Variants in ERICH1 observed in about 807,000 individuals in gnomAD.
ERICH1 encodes glutamate rich 1, also known as glutamate-rich protein 1.
ERICH1 carries 56 observed loss-of-function variants against 39.6 expected under a neutral mutation model. The ratio of observed to expected loss-of-function variants is 1.41; its 90% CI spans 1.14 to 1.77. ERICH1 has a LOEUF of 1.77. ERICH1 is among the 40% of genes most tolerant of loss of function. The probability of loss-of-function intolerance (pLI) is 0.00; values close to 1 mark genes in which losing one functional copy is unlikely to be tolerated. For synonymous variants in ERICH1, 313 were observed against 223.6 expected (o/e 1.40, Z -3.57); for missense variants, 826 against 575.4 (o/e 1.44, Z -4.45).
At chr8:624,684 G>C (rs574633985) in intron 3 of ERICH1, among the ~76,000 whole-genome samples, 109 of 152,028 alleles carry the variant, frequency 7.2e-4, no homozygotes, top group African/African-American at 2.5e-3. Context: ...GAGAGTAAAG[G>C]GGGAGGCGCT....
chr8:618,123 C>T (rs1189352074), intron 3 of ERICH1, among the ~76,000 whole-genome samples: 2 of 150,586 alleles, frequency 1.3e-5, no homozygotes, highest in Non-Finnish European at 2.9e-5. Flanking sequence ...GTGCTCACTA[C>T]TCAGTGTTCC....
chr8:710,644 C>T (rs1585573579), intron 2 of ERICH1, among the ~76,000 whole-genome samples: 1 of 152,234 alleles, frequency 6.6e-6, no homozygotes, highest in African/African-American at 2.4e-5. Flanking sequence ...CTTTTCAGAT[C>T]GGTTTCTTTC....
At chr8:711,657 C>T (rs577975086) in intron 2 of ERICH1, among the ~76,000 whole-genome samples, 89 of 152,216 alleles carry the variant, frequency 5.8e-4, no homozygotes, top group Non-Finnish European at 7.1e-4. Context: ...GCCACCATGC[C>T]CAGCTGATTT....
At chr8:695,870 A>C (rs974229501) in intron 2 of ERICH1, among the ~76,000 whole-genome samples, 6 of 51,782 alleles carry the variant, frequency 1.2e-4, no homozygotes, top group Admixed American at 4.6e-4. Context: ...CGCTCCTCTC[A>C]CCCTCCACTC....
At chr8:622,473 G>A (rs1188906326) in intron 3 of ERICH1, among the ~76,000 whole-genome samples, 1 of 152,178 alleles carries the variant, frequency 6.6e-6, no homozygotes, top group Non-Finnish European at 1.5e-5. Flanking sequence ...CTATGAAGCA[G>A]AGAACGAAGC....
chr8:674,717 C>G (rs971019123), intron 3 of ERICH1, among the ~76,000 whole-genome samples: 1 of 152,188 alleles, frequency 6.6e-6, no homozygotes, highest in Non-Finnish European at 1.5e-5. Flanking sequence ...TTAGTCCTTT[C>G]TAAAGTTACT....
rs147514771 is a variant in ERICH1 at position 724,345 on chromosome 8, C to T, written c.22+6795G>A. ...AAAGGAGAAGAAAGAAAATATTCCA[C>T]GCAAACTTTGCCCAGAGTTTCTCCT... is the stretch of plus-strand genomic sequence containing the variant. On this transcript the variant is annotated intron_variant, in intron 1 of 5. Transcript: ENST00000262109. Among the ~76,000 whole-genome samples, 836 of 152,322 alleles carry T rather than the reference C, an allele frequency of 5.5e-3. 10 individuals are homozygous for T. Among genetic ancestry groups the T allele is most frequent in the African/African-American group, 0.019 (783 of 41,568 alleles).
intron 1 of ERICH1, among the ~76,000 whole-genome samples, chr8:727,934 AC>A (rs1476055209): frequency 6.6e-6 from 1 of 152,180 alleles, no homozygotes; most frequent in Non-Finnish European, 1.5e-5. Flanking sequence ...TCCTCCCACC[AC>A]ACACACAGCA....
chr8:633,409 A>G (rs1798176483), intron 3 of ERICH1, among the ~76,000 whole-genome samples: 1 of 152,188 alleles, frequency 6.6e-6, no homozygotes, highest in South Asian at 2.1e-4. Context: ...GGTAAATCTC[A>G]AAAACACAGT....
At chr8:719,531 C>A (rs1003241031) in intron 1 of ERICH1, among the ~76,000 whole-genome samples, 12 of 152,198 alleles carry the variant, frequency 7.9e-5, no homozygotes, top group Admixed American at 7.8e-4. Context: ...CCCTGCCAAG[C>A]GACTCTCTTT....
intron 3 of ERICH1, among the ~76,000 whole-genome samples, chr8:680,573 C>A (rs1805887623): frequency 6.7e-6 from 1 of 149,742 alleles, no homozygotes; most frequent in Admixed American, 6.7e-5. Context: ...CACCCCTCCC[C>A]CGAAAACACG....
intron 2 of ERICH1, among the ~76,000 whole-genome samples, chr8:708,690 T>TTGTTTTTTTTG (rs1359266225): frequency 6.4e-5 from 5 of 77,766 alleles, no homozygotes; most frequent in African/African-American, 1.1e-4. Context: ...AGTTTTTTTT[T>TTGTTTTTTTTG]TTTTTTTTTT....
At chr8:722,541 C>G (rs1279467198) in intron 1 of ERICH1, among the ~76,000 whole-genome samples, 1 of 152,222 alleles carries the variant, frequency 6.6e-6, no homozygotes, top group African/African-American at 2.4e-5. Context: ...ATATATGTAG[C>G]TCACAAAGAA....
intron 1 of ERICH1, among the ~76,000 whole-genome samples, chr8:724,844 G>T (rs992847555): frequency 6.6e-6 from 1 of 152,204 alleles, no homozygotes; most frequent in Non-Finnish European, 1.5e-5. Context: ...TATCAAAGAT[G>T]TGGAACCCAG....
chr8:693,602 T>C (rs1485685770), intron 2 of ERICH1, among the ~76,000 whole-genome samples: 6 of 144,308 alleles, frequency 4.2e-5, no homozygotes, highest in African/African-American at 1.0e-4. Context: ...CCCCTCTGCA[T>C]ACGGAACCTC....
intron 1 of ERICH1, among the ~76,000 whole-genome samples, chr8:728,791 T>G (rs1819375431): frequency 6.6e-6 from 1 of 152,200 alleles, no homozygotes; most frequent in Admixed American, 6.5e-5. Flanking sequence ...TTTGAGGAAT[T>G]TTTACTCAAG....
intron 2 of ERICH1, among the ~76,000 whole-genome samples, chr8:695,494 TCC>T: frequency 7.3e-6 from 1 of 136,998 alleles, no homozygotes; most frequent in South Asian, 2.4e-4. Context: ...TCCCTCCCTC[TCC>T]TCTCCTTCCT....
intron 2 of ERICH1, among the ~76,000 whole-genome samples, chr8:701,248 C>A (rs1342705091): frequency 2.6e-5 from 4 of 152,014 alleles, no homozygotes; most frequent in African/African-American, 9.7e-5. Context: ...CGGGTCTACC[C>A]TGCTGGACGG....
chr8:654,435 G>A (rs1409351238), intron 3 of ERICH1, among the ~76,000 whole-genome samples: 1 of 152,118 alleles, frequency 6.6e-6, no homozygotes, highest in Non-Finnish European at 1.5e-5. Flanking sequence ...CTACGGTGCT[G>A]GGGAGGGCTG....
Sources: allele counts gnomAD v4.1 joint callset (sites outside exome capture counted in the v4.1 genomes callset), GRCh38; gene constraint gnomAD v4.1.1; transcripts MANE v1.5; gene names NCBI Gene and HGNC (gene_info 2026-07-23, HGNC 2026-07-21).